Variants in MEGF10 observed in about 807,000 individuals in gnomAD.
MEGF10 encodes multiple EGF like domains 10, also known as multiple epidermal growth factor-like domains protein 10.
MEGF10 carries 86 observed loss-of-function variants against 147.5 expected under a neutral mutation model. The ratio of observed to expected loss-of-function variants is 0.58; its 90% CI spans 0.49 to 0.70. MEGF10 has a LOEUF of 0.70. MEGF10 is among the 30% of genes least tolerant of loss of function. MEGF10 has a pLI of 0.00. For synonymous variants in MEGF10, 478 were observed against 525.5 expected (o/e 0.91, Z 1.24); for missense variants, 1,329 against 1,487.3 (o/e 0.89, Z 1.75).
intron 5 of MEGF10, among the ~76,000 whole-genome samples, chr5:127,389,774 G>C (rs1342419843): frequency 6.6e-6 from 1 of 152,160 alleles, no homozygotes; most frequent in African/African-American, 2.4e-5. Flanking sequence ...CTATTGGCAA[G>C]TGGAGGGTGG....
At chr5:127,235,082 G>C in the MEGF10 span, among the ~76,000 whole-genome samples, 2 of 152,084 alleles carry the variant, frequency 1.3e-5, no homozygotes, top group African/African-American at 4.8e-5. Context: ...CTCACCTCAG[G>C]CAATCCACCC....
At chr5:127,440,451 A>G (rs939137240) in intron 17 of MEGF10, among the ~76,000 whole-genome samples, 1 of 152,168 alleles carries the variant, frequency 6.6e-6, no homozygotes, top group Non-Finnish European at 1.5e-5. Flanking sequence ...GATTGAAGGG[A>G]TATTTTGTTA....
the MEGF10 span, among the ~76,000 whole-genome samples, chr5:127,264,947 T>C: frequency 1.7e-4 from 26 of 152,138 alleles, no homozygotes. Flanking sequence ...CTTTAAGTTC[T>C]AGGGTACATG....
At chr5:127,440,681 C>T in intron 17 of MEGF10, 58 bp from the exon 18 acceptor site, 1 of 1,589,310 alleles carries the variant, frequency 6.3e-7, no homozygotes, top group Non-Finnish European at 8.6e-7. Flanking sequence ...AGGCACGAGC[C>T]TCCAAGTGTT....
At chr5:127,348,086 G>C (rs770076638) in intron 4 of MEGF10, among the ~76,000 whole-genome samples, 2 of 151,988 alleles carry the variant, frequency 1.3e-5, no homozygotes, top group Non-Finnish European at 2.9e-5. Flanking sequence ...CTCTAAAGTT[G>C]AGTAAATATT....
At chr5:127,420,256 G>C (rs1764947205) in intron 12 of MEGF10, 49 bp downstream of exon 12, 1 of 1,575,736 alleles carries the variant, frequency 6.3e-7, no homozygotes, top group African/African-American at 1.4e-5. Context: ...AGGAACTGAT[G>C]TTGTAAAGTT....
the MEGF10 span, among the ~76,000 whole-genome samples, chr5:127,249,353 G>T: frequency 2.0e-5 from 3 of 150,432 alleles, no homozygotes; most frequent in South Asian, 6.4e-4. Context: ...GAGAGAGAGA[G>T]AGAAGAAGAA....
chr5:127,352,682 A>T (rs1762126202), intron 4 of MEGF10, among the ~76,000 whole-genome samples: 1 of 152,188 alleles, frequency 6.6e-6, no homozygotes, highest in Non-Finnish European at 1.5e-5. Context: ...AAGACAAAAA[A>T]AAAAGCGTTT....
chr5:127,364,057 A>C (rs939458318), intron 4 of MEGF10, among the ~76,000 whole-genome samples: 2 of 152,144 alleles, frequency 1.3e-5, no homozygotes, highest in Non-Finnish European at 2.9e-5. Flanking sequence ...GATCCCCTTG[A>C]TCTCACCCCA....
Position 127,362,346 on chromosome 5 carries a change from T to TTA in MEGF10, c.320-7564_320-7563insTA, listed in dbSNP as rs397723117. Among the ~76,000 whole-genome samples the TTA allele has an allele frequency of 5.2e-3, 780 of 150,208 alleles. 10 individuals carry two copies. Among genetic ancestry groups the TTA allele is most frequent in the African/African-American group, 0.018 (753 of 41,078 alleles). On this transcript the variant is annotated intron_variant, in intron 4 of 24. Coordinates refer to ENST00000503335, the MANE Select transcript of MEGF10 (RefSeq NM_001256545.2). ...CGTTAGTATGGTTTTTTTTTTTTTT[T>TTA]ACATACCTTTACTTAAAAAAAAATT... is the stretch of plus-strand genomic sequence containing the variant.
intron 13 of MEGF10, chr5:127,424,703 G>A (rs1343160372): frequency 6.0e-6 from 2 of 333,044 alleles, no homozygotes; most frequent in African/African-American, 2.2e-5. Context: ...CCACAGACAC[G>A]AGGCCTCCCC....
chr5:127,332,987 A>G (rs1244453086), intron 2 of MEGF10, among the ~76,000 whole-genome samples: 1 of 152,184 alleles, frequency 6.6e-6, no homozygotes, highest in African/African-American at 2.4e-5. Context: ...GAGGCAGAGA[A>G]GACGAGGATT....
chr5:127,413,268 T>G (rs530804779), intron 9 of MEGF10, among the ~76,000 whole-genome samples: 1 of 152,340 alleles, frequency 6.6e-6, no homozygotes, highest in Non-Finnish European at 1.5e-5. Context: ...CTAACTGTTA[T>G]GGTGGAAATG....
intron 8 of MEGF10, among the ~76,000 whole-genome samples, chr5:127,406,556 G>C (rs551488481): frequency 6.6e-6 from 1 of 152,190 alleles, no homozygotes; most frequent in Non-Finnish European, 1.5e-5. Flanking sequence ...CCCTTGTTTT[G>C]AGAAGTCAGT....
chr5:127,402,449 A>G (rs1343747664), intron 7 of MEGF10, 97 bp from the exon 8 acceptor site: 5 of 1,330,258 alleles, frequency 3.8e-6, no homozygotes, highest in East Asian at 2.4e-5. Flanking sequence ...CCTGTTCCCC[A>G]TCCCTCCTTT....
intron 4 of MEGF10, among the ~76,000 whole-genome samples, chr5:127,359,960 A>G (rs945223946): frequency 1.3e-5 from 2 of 152,146 alleles, no homozygotes; most frequent in Non-Finnish European, 2.9e-5. Flanking sequence ...TATTTGAAAT[A>G]GCCAAAATCT....
At chr5:127,432,357 T>C (rs1370417267) in intron 13 of MEGF10, among the ~76,000 whole-genome samples, 3 of 152,212 alleles carry the variant, frequency 2.0e-5, no homozygotes, top group African/African-American at 7.2e-5. Flanking sequence ...AAGCCAAAAC[T>C]GTAACACAAG....
At chr5:127,357,075 C>T (rs1762303522) in intron 4 of MEGF10, among the ~76,000 whole-genome samples, 1 of 152,102 alleles carries the variant, frequency 6.6e-6, no homozygotes. Flanking sequence ...TTATTTGAGA[C>T]TCTTTGGACC....
the MEGF10 span, among the ~76,000 whole-genome samples, chr5:127,244,281 GAAAGA>G: frequency 6.7e-6 from 1 of 148,834 alleles, no homozygotes; most frequent in Non-Finnish European, 1.5e-5. Context: ...CAAGAGGCAG[GAAAGA>G]TGAAAGCAAA....
Sources: gnomAD v4.1 joint callset for allele counts (sites outside exome capture counted in the v4.1 genomes callset) on GRCh38, gnomAD v4.1.1 for gene constraint, MANE v1.5 for transcripts, NCBI Gene and HGNC (gene_info 2026-07-23, HGNC 2026-07-21) for gene names.